Variants in DOCK2 observed in about 807,000 individuals in gnomAD.
DOCK2 encodes dedicator of cytokinesis 2, also known as dedicator of cytokinesis protein 2.
Under a neutral mutation model 248.9 loss-of-function variants are expected in DOCK2, and 87 were observed. The ratio of observed to expected loss-of-function variants is 0.35; its 90% CI spans 0.29 to 0.42. DOCK2 has a LOEUF of 0.42. DOCK2 is among the 10% of genes least tolerant of loss of function. The pLI is 1.00. For missense variants in DOCK2, 1,747 were observed against 2,300.2 expected, an observed-to-expected ratio of 0.76 and a Z score of 4.92; for synonymous variants, 805 against 821.6, an observed-to-expected ratio of 0.98 and a Z score of 0.35.
intron 8 of DOCK2, 42 bp downstream of exon 8, chr5:169,684,392 A>G: frequency 3.7e-6 from 6 of 1,602,890 alleles, no homozygotes; most frequent in Non-Finnish European, 5.1e-6. Flanking sequence ...GACTATGGGA[A>G]GCAGTGCACA....
At position 169,717,331 on chromosome 5, in the gene DOCK2, G is replaced by T. The variant is rs527512866; in HGVS notation, c.2032-53G>T. 1.0e-5 allele frequency: 15 copies of T among 1,484,646 alleles called. No homozygotes were observed. The African/African-American group carries it at 1.9e-4, about 19-fold the overall frequency. 92.0% of individuals were successfully genotyped at this position (1,484,646 alleles called of 1,614,324 possible). A position where few individuals can be genotyped will look rare whatever the true frequency, so the allele number is the denominator to read the frequency against. On this transcript the variant is annotated intron_variant, in intron 20 of 51. Transcript: ENST00000520908. ...GGTTGAATTATGCCAGGTAAAGATG[G>T]CTTCCTGCCCTGGGTTTGCCCTGAA...
chr5:170,048,468 T>C (rs1756794668), intron 40 of DOCK2, among the ~76,000 whole-genome samples: 1 of 152,202 alleles, frequency 6.6e-6, no homozygotes, highest in Admixed American at 6.5e-5. Context: ...ACTGCAATTT[T>C]AGGAAAAATA....
chr5:169,922,593 A>C (rs1282153687), intron 27 of DOCK2, among the ~76,000 whole-genome samples: 2 of 152,250 alleles, frequency 1.3e-5, no homozygotes, highest in Non-Finnish European at 2.9e-5. Context: ...TTTAGAGAAT[A>C]TCACCTACAT....
intron 27 of DOCK2, among the ~76,000 whole-genome samples, chr5:169,910,443 A>T (rs1175671056): frequency 7.9e-5 from 12 of 152,096 alleles, no homozygotes; most frequent in African/African-American, 1.7e-4. Flanking sequence ...TTAACTTTTT[A>T]AAAAAAGATC....
chr5:169,794,125 C>T (rs373950499), intron 25 of DOCK2, among the ~76,000 whole-genome samples: 43 of 152,238 alleles, frequency 2.8e-4, no homozygotes, highest in Middle Eastern at 3.4e-3. Flanking sequence ...CCCTACTTTT[C>T]CCGGGAACTG....
chr5:169,869,959 C>T (rs1771848621), intron 27 of DOCK2, among the ~76,000 whole-genome samples: 1 of 152,176 alleles, frequency 6.6e-6, no homozygotes, highest in African/African-American at 2.4e-5. Flanking sequence ...GTTTGCAGAA[C>T]CCTGGCTTAC....
At chr5:169,874,440 G>C (rs1044143696) in intron 27 of DOCK2, among the ~76,000 whole-genome samples, 1 of 150,524 alleles carries the variant, frequency 6.6e-6, no homozygotes, top group Non-Finnish European at 1.5e-5. Flanking sequence ...AAAGCAATTG[G>C]TGGTCTGTGG....
chr5:169,996,199 GC>G lies in DOCK2; in HGVS notation c.3072+38del, dbSNP rs761013573. On this transcript the variant is annotated intron_variant, in intron 30 of 51. Transcript: ENST00000520908. ...AGCCACCAGAGCTACCCTTGGAGCT[GC>G]CCAGGGCGTCTCTGACATTCTGGGC... The G allele has an allele frequency of 6.2e-6, 10 of 1,601,316 alleles. No individual in the cohort carries two copies. In the South Asian group the frequency reaches 1.0e-4, roughly 16 times the overall value.
rs1764619491 is a variant in DOCK2 at position 169,763,792 on chromosome 5, CA to C, written c.2554+2170del. Among the ~76,000 whole-genome samples the C allele has an allele frequency of 6.6e-6, 1 of 152,210 alleles. No individual in the cohort carries two copies. The highest frequency in any genetic ancestry group is 1.5e-5 in the Non-Finnish European group (1 of 68,042). Reference sequence around the variant, plus strand: ...AATACATACAGAGACTAGAGGTAGACAAAGTATCCTTTGGGGACCCCTTTCA... The same window carrying C: ...AATACATACAGAGACTAGAGGTAGACAAGTATCCTTTGGGGACCCCTTTCA... On this transcript the variant is annotated intron_variant, in intron 25 of 51. Coordinates refer to ENST00000520908, the MANE Select transcript of DOCK2 (RefSeq NM_004946.3). This position sits in a 1 kb window ranked among gnomAD's most constrained non-coding sequence, Gnocchi z 4.1.
chr5:169,963,610 C>T (rs1036812312), intron 27 of DOCK2, among the ~76,000 whole-genome samples: 6 of 152,178 alleles, frequency 3.9e-5, no homozygotes, highest in South Asian at 2.1e-4. Flanking sequence ...CTCCGGTGCA[C>T]ATCAAAGCAG....
chr5:169,994,982 C>T (rs1754549655), intron 29 of DOCK2, among the ~76,000 whole-genome samples: 2 of 151,768 alleles, frequency 1.3e-5, no homozygotes, highest in South Asian at 4.2e-4. Flanking sequence ...TTGACAAGTA[C>T]CAAAATGTTA....
chr5:169,661,262 G>C (rs1315742048), intron 2 of DOCK2, among the ~76,000 whole-genome samples: 1 of 152,082 alleles, frequency 6.6e-6, no homozygotes, highest in African/African-American at 2.4e-5. Context: ...TTAAGTAGCA[G>C]ATCTCCAACA....
intron 26 of DOCK2, among the ~76,000 whole-genome samples, chr5:169,824,630 G>A (rs1261006037): frequency 1.3e-5 from 2 of 152,304 alleles, no homozygotes; most frequent in African/African-American, 4.8e-5. Flanking sequence ...ATTCAAGATG[G>A]TTTGAAGACT....
At chr5:170,046,602 G>T (rs1756721229) in intron 39 of DOCK2, among the ~76,000 whole-genome samples, 1 of 152,196 alleles carries the variant, frequency 6.6e-6, no homozygotes, top group East Asian at 1.9e-4. Flanking sequence ...TGGGGGGAAG[G>T]TATAGTGATC....
intron 27 of DOCK2, among the ~76,000 whole-genome samples, chr5:169,874,495 G>C (rs926678435): frequency 6.6e-5 from 10 of 151,262 alleles, no homozygotes; most frequent in African/African-American, 2.4e-4. Context: ...GGCAGATTCT[G>C]CGTGGCATTT....
intron 26 of DOCK2, among the ~76,000 whole-genome samples, chr5:169,839,614 A>G (rs1340159453): frequency 6.6e-6 from 1 of 152,200 alleles, no homozygotes; most frequent in Admixed American, 6.5e-5. Context: ...AAAGCTCAAA[A>G]AGGATCGGCA....
chr5:169,982,577 C>T (rs1313226897), intron 27 of DOCK2, among the ~76,000 whole-genome samples: 1 of 152,178 alleles, frequency 6.6e-6, no homozygotes, highest in Non-Finnish European at 1.5e-5. Flanking sequence ...TCTTTCATCC[C>T]TCTCAGCTCT....
At chr5:169,920,262 A>G (rs939984283) in intron 27 of DOCK2, among the ~76,000 whole-genome samples, 14 of 152,190 alleles carry the variant, frequency 9.2e-5, no homozygotes, top group African/African-American at 3.4e-4. Flanking sequence ...AGTTATTATG[A>G]TGTTCAAAAC....
rs1289635819 is a variant in DOCK2, at chr5:169,819,169, G to T, written c.2703+15963G>T. Among the ~76,000 whole-genome samples the T allele has an allele frequency of 2.0e-5, 3 of 152,268 alleles. No individual in the cohort carries two copies. The East Asian group carries it at 5.8e-4, about 29-fold the overall frequency. ...CTGCTTAAAAACTACCCTTGGCCAG[G>T]CCCGTTGGCTCATGCCTGTACTCCC... On this transcript the variant is annotated intron_variant, in intron 26 of 51. Coordinates refer to ENST00000520908, the MANE Select transcript of DOCK2 (RefSeq NM_004946.3).
Sources: gnomAD v4.1 joint callset for allele counts (sites outside exome capture counted in the v4.1 genomes callset) on GRCh38, gnomAD v4.1.1 for gene constraint, Gnocchi (gnomAD v3.1) non-coding constraint, MANE v1.5 for transcripts, NCBI Gene and HGNC (gene_info 2026-07-23, HGNC 2026-07-21) for gene names.